Variants in FBXL7 observed in about 807,000 individuals in gnomAD.
FBXL7 encodes the protein F-box/LRR-repeat protein 7.
In FBXL7, 12 loss-of-function variants were observed where a neutral mutation model predicts 38.3. The observed-to-expected ratio is 0.31, with a 90% CI of 0.20 to 0.51. The LOEUF is 0.51. Among genes scored for constraint, FBXL7 ranks in the 20% least tolerant of loss-of-function variants. The pLI is 0.98. For missense variants in FBXL7, 567 were observed against 676.4 expected, an observed-to-expected ratio of 0.84 and a Z score of 1.79; for synonymous variants, 297 against 300.9, an observed-to-expected ratio of 0.99 and a Z score of 0.13.
intron 1 of FBXL7, among the ~76,000 whole-genome samples, chr5:15,614,914 A>G (rs1580408067): frequency 6.6e-6 from 1 of 152,164 alleles, no homozygotes; most frequent in Non-Finnish European, 1.5e-5. Flanking sequence ...CACCCAGAAT[A>G]ATATGCCTTG....
At chr5:15,553,615 C>T (rs77149792) in intron 1 of FBXL7, among the ~76,000 whole-genome samples, 130 of 152,280 alleles carry the variant, frequency 8.5e-4, no homozygotes, top group East Asian at 7.1e-3. Context: ...ATGAATAAAT[C>T]TCTGTTTTAC....
At chr5:15,842,469 T>C (rs962637943) in intron 2 of FBXL7, among the ~76,000 whole-genome samples, 5 of 152,164 alleles carry the variant, frequency 3.3e-5, no homozygotes, top group African/African-American at 1.2e-4. Context: ...GATGAGACTT[T>C]TGAGTTAATG....
At position 15,885,920 on chromosome 5, in the gene FBXL7, C is replaced by T. The variant is rs535810897; in HGVS notation, c.128-41970C>T. ...TTTTTTTGTAGAGACGAGGTTTCACCGTGTAGCCCAGGCTGGTCTTGAACG... is the reference window on the plus strand; with the variant it reads ...TTTTTTTGTAGAGACGAGGTTTCACTGTGTAGCCCAGGCTGGTCTTGAACG... On this transcript the variant is annotated intron_variant, in intron 2 of 3. Coordinates refer to ENST00000504595, the MANE Select transcript of FBXL7 (RefSeq NM_012304.5). Among the ~76,000 whole-genome samples, 8 of 151,996 alleles carry T rather than the reference C, an allele frequency of 5.3e-5. No homozygotes were observed. The East Asian group carries it at 7.7e-4, about 15-fold the overall frequency.
At chr5:15,560,619 A>G (rs1396270763) in intron 1 of FBXL7, among the ~76,000 whole-genome samples, 1 of 152,158 alleles carries the variant, frequency 6.6e-6, no homozygotes, top group Non-Finnish European at 1.5e-5. Context: ...TACACATGTC[A>G]GGTATGAGCA....
intron 2 of FBXL7, among the ~76,000 whole-genome samples, chr5:15,771,770 A>AT (rs35138853): frequency 0.011 from 1,190 of 113,226 alleles, 15 homozygotes; most frequent in African/African-American, 0.025. Context: ...GGATTAACAG[A>AT]TTTTTTTTTT....
intron 1 of FBXL7, among the ~76,000 whole-genome samples, chr5:15,521,494 G>A (rs936567131): frequency 6.6e-6 from 1 of 152,212 alleles, no homozygotes; most frequent in Non-Finnish European, 1.5e-5. Flanking sequence ...TTATGTCAGA[G>A]TTGGAACTGG....
chr5:15,544,604 T>G (rs1489854192), intron 1 of FBXL7, among the ~76,000 whole-genome samples: 1 of 151,924 alleles, frequency 6.6e-6, no homozygotes, highest in African/African-American at 2.4e-5. Flanking sequence ...TGCCACCAAA[T>G]AGAAAAGAAG....
At chr5:15,506,966 C>T (rs1235593314) in intron 1 of FBXL7, among the ~76,000 whole-genome samples, 1 of 149,814 alleles carries the variant, frequency 6.7e-6, no homozygotes, top group Non-Finnish European at 1.5e-5. Context: ...TAATCCAATG[C>T]AACAGGGTCA....
chr5:15,525,055 T>C (rs1022907569), intron 1 of FBXL7, among the ~76,000 whole-genome samples: 9 of 152,202 alleles, frequency 5.9e-5, no homozygotes, highest in African/African-American at 2.2e-4. Flanking sequence ...CACTTATGAG[T>C]GATGTGACCT....
At chr5:15,733,338 G>A (rs774849084) in intron 2 of FBXL7, among the ~76,000 whole-genome samples, 70 of 151,944 alleles carry the variant, frequency 4.6e-4, no homozygotes, top group Middle Eastern at 3.4e-3. Context: ...TGATCCACCC[G>A]CCTCAGCCTC....
chr5:15,746,661 G>C (rs577026934), intron 2 of FBXL7, among the ~76,000 whole-genome samples: 1 of 151,930 alleles, frequency 6.6e-6, no homozygotes, highest in Non-Finnish European at 1.5e-5. Flanking sequence ...AGGTCTCAAC[G>C]TACAAATTTG....
In FBXL7 at chr5:15,852,138, A is replaced by G. The variant is rs1161729777; in HGVS notation, c.128-75752A>G. Among the ~76,000 whole-genome samples, 19 of 152,288 alleles carry G rather than the reference A, an allele frequency of 1.2e-4. No individual in the cohort carries two copies. The East Asian group carries it at 3.3e-3, about 26-fold the overall frequency. On this transcript the variant is annotated intron_variant, in intron 2 of 3. Coordinates refer to ENST00000504595, the MANE Select transcript of FBXL7 (RefSeq NM_012304.5). ...TGCTAGATCATAGCTGACTTGCACT[A>G]TCCTTCCAAACTTTGGAATATCTCT...
At chr5:15,891,333 T>C (rs1740893482) in intron 2 of FBXL7, among the ~76,000 whole-genome samples, 1 of 152,210 alleles carries the variant, frequency 6.6e-6, no homozygotes, top group Non-Finnish European at 1.5e-5. Flanking sequence ...TAAATTCTGC[T>C]CTGCATGGAT....
chr5:15,612,923 T>A lies in FBXL7; in HGVS notation c.38-3060T>A, dbSNP rs1341637229. ...ACAGTTTAATCTCAGCAAAATAACATCATCAATCATGTTAAACTAATGCTG... is the reference window on the plus strand; with the variant it reads ...ACAGTTTAATCTCAGCAAAATAACAACATCAATCATGTTAAACTAATGCTG... On this transcript the variant is annotated intron_variant, in intron 1 of 3. Coordinates refer to ENST00000504595, the MANE Select transcript of FBXL7 (RefSeq NM_012304.5). Among the ~76,000 whole-genome samples, 3 of 152,330 alleles carry A rather than the reference T, an allele frequency of 2.0e-5. No homozygotes were observed. The East Asian group carries it at 5.8e-4, about 29-fold the overall frequency.
intron 2 of FBXL7, among the ~76,000 whole-genome samples, chr5:15,846,464 CA>C (rs1467758191): frequency 6.6e-6 from 1 of 152,174 alleles, no homozygotes; most frequent in African/African-American, 2.4e-5. Context: ...ATTTATGAAT[CA>C]GGTAGCTCCA....
chr5:15,572,924 A>G (rs1738837545), intron 1 of FBXL7, among the ~76,000 whole-genome samples: 1 of 152,152 alleles, frequency 6.6e-6, no homozygotes, highest in African/African-American at 2.4e-5. Context: ...TTTATGTTGA[A>G]CCAGGTTTAC....
intron 2 of FBXL7, among the ~76,000 whole-genome samples, chr5:15,891,490 CTG>C (rs1192029665): frequency 2.6e-5 from 4 of 152,140 alleles, no homozygotes; most frequent in African/African-American, 9.7e-5. Flanking sequence ...AAACTAGACT[CTG>C]TAATAGGAAC....
chr5:15,662,478 C>A (rs1394221935), intron 2 of FBXL7, among the ~76,000 whole-genome samples: 2 of 152,096 alleles, frequency 1.3e-5, no homozygotes, highest in Non-Finnish European at 2.9e-5. Flanking sequence ...TTGATAGTTT[C>A]TTTTTCTGTG....
chr5:15,936,934 T>C lies in FBXL7; in HGVS notation c.1224T>C (p.Asp408=), dbSNP rs1318532263. 6 of 1,614,054 alleles carry C rather than the reference T, an allele frequency of 3.7e-6. No homozygotes were observed. Among genetic ancestry groups the C allele is most frequent in the Non-Finnish European group, 5.1e-6 (6 of 1,179,898 alleles). The change falls in exon 4 of 4, where the codon GAT becomes GAC. Residue 408 remains aspartate (D), a synonymous_variant. Transcript: ENST00000504595. The surrounding 1 kb of genome is among the most constrained non-coding windows in gnomAD (Gnocchi z 6.0). ...AKNCTKLKSL[D]IGKCPLVSDT... The stretch of plus-strand genomic sequence containing the variant: ...ACTGCACCAAACTCAAATCCCTGGA[T>C]ATCGGCAAATGCCCTTTGGTATCCG...
Sources: gnomAD v4.1 joint callset for allele counts (sites outside exome capture counted in the v4.1 genomes callset) on GRCh38, gnomAD v4.1.1 for gene constraint, Gnocchi (gnomAD v3.1) non-coding constraint, MANE v1.5 for transcripts, NCBI Gene and HGNC (gene_info 2026-07-23, HGNC 2026-07-21) for gene names.